BABAM2: variants seen among roughly 807,000 people sequenced by gnomAD.
The protein encoded by BABAM2 is BRISC and BRCA1 A complex member 2.
A neutral mutation model predicts 54.7 loss-of-function variants in BABAM2; 31 were observed. The observed-to-expected ratio is 0.57, with a 90% CI of 0.43 to 0.77. The LOEUF (loss-of-function observed/expected upper bound fraction) is 0.77. BABAM2 is among the 30% of genes least tolerant of loss of function. The pLI is 0.00. For missense variants in BABAM2, 364 were observed against 455.8 expected, an observed-to-expected ratio of 0.80 and a Z score of 1.83; for synonymous variants, 167 against 162.9, an observed-to-expected ratio of 1.03 and a Z score of -0.19.
chr2:28,088,788 A>G (rs1278895296), intron 6 of BABAM2, among the ~76,000 whole-genome samples: 1 of 152,120 alleles, frequency 6.6e-6, no homozygotes, highest in Non-Finnish European at 1.5e-5. Flanking sequence ...TTCCTAATCC[A>G]TTTGGATCTT....
At chr2:27,950,129 T>C (rs1482875438) in intron 3 of BABAM2, among the ~76,000 whole-genome samples, 1 of 152,204 alleles carries the variant, frequency 6.6e-6, no homozygotes, top group Non-Finnish European at 1.5e-5. Flanking sequence ...TGACCTTTCC[T>C]TAACTTGAAG....
At chr2:28,326,259 G>A (rs538080606) in intron 11 of BABAM2, among the ~76,000 whole-genome samples, 3 of 152,246 alleles carry the variant, frequency 2.0e-5, no homozygotes, top group Admixed American at 2.0e-4. Context: ...CCTCCTGGCC[G>A]GGACTGTGGT....
At chr2:27,936,810 AG>A (rs1293655651) in intron 3 of BABAM2, among the ~76,000 whole-genome samples, 1 of 150,952 alleles carries the variant, frequency 6.6e-6, no homozygotes, top group Admixed American at 6.6e-5. Flanking sequence ...GGGTAGGGGC[AG>A]GGGGGAGGGA....
At chr2:28,173,954 A>G (rs897924069) in intron 7 of BABAM2, among the ~76,000 whole-genome samples, 38 of 152,358 alleles carry the variant, frequency 2.5e-4, no homozygotes, top group African/African-American at 9.1e-4. Flanking sequence ...TGACAGAATT[A>G]GGAGGATGAA....
intron 7 of BABAM2, among the ~76,000 whole-genome samples, chr2:28,215,480 T>C (rs1679843637): frequency 1.3e-5 from 2 of 152,346 alleles, no homozygotes; most frequent in South Asian, 4.1e-4. Context: ...ATTCAAAGCA[T>C]TCTGCTGGGC....
chr2:27,949,777 G>A (rs1669570705), intron 3 of BABAM2, among the ~76,000 whole-genome samples: 1 of 152,086 alleles, frequency 6.6e-6, no homozygotes, highest in Admixed American at 6.5e-5. Flanking sequence ...CTTTTGTAGT[G>A]TGGTGTTGAA....
At chr2:27,906,618 T>G (rs548110362) in intron 2 of BABAM2, among the ~76,000 whole-genome samples, 1 of 152,218 alleles carries the variant, frequency 6.6e-6, no homozygotes, top group South Asian at 2.1e-4. Context: ...TAAATTGGGG[T>G]CTGAGATTTT....
intron 10 of BABAM2, among the ~76,000 whole-genome samples, chr2:28,296,707 A>C (rs1687720398): frequency 6.6e-6 from 1 of 152,174 alleles, no homozygotes; most frequent in Non-Finnish European, 1.5e-5. Flanking sequence ...TTTATTTTTA[A>C]GACGGAGTCT....
chr2:28,008,911 G>C (rs994217965), intron 4 of BABAM2, among the ~76,000 whole-genome samples: 4 of 152,148 alleles, frequency 2.6e-5, no homozygotes, highest in African/African-American at 9.7e-5. Context: ...GGCAGCTCTG[G>C]ATTCCAGGTG....
At chr2:27,979,922 G>A (rs1671883130) in intron 3 of BABAM2, among the ~76,000 whole-genome samples, 1 of 152,118 alleles carries the variant, frequency 6.6e-6, no homozygotes, top group Non-Finnish European at 1.5e-5. Context: ...TTCCTGAGAT[G>A]GTGCTGATAC....
At chr2:27,970,397 TTAATCTATCA>T (rs1671122738) in intron 3 of BABAM2, among the ~76,000 whole-genome samples, 1 of 152,216 alleles carries the variant, frequency 6.6e-6, no homozygotes, top group African/African-American at 2.4e-5. Flanking sequence ...AACCCTTTAT[TTAATCTATCA>T]GTTGTTAACA....
chr2:28,052,974 A>G (rs1313956135), intron 6 of BABAM2, among the ~76,000 whole-genome samples: 1 of 152,174 alleles, frequency 6.6e-6, no homozygotes, highest in Admixed American at 6.5e-5. Context: ...GTCTTTTACT[A>G]TTTGGAAATG....
rs976266793 is a variant in BABAM2, at chr2:27,995,742, G to C, written c.300+7655G>C. The stretch of plus-strand genomic sequence containing the variant: ...CTACAGGCGCCCGCCACCACACCTG[G>C]CTAGTTTTTTTATATTTTTAGTAGA... On this transcript the variant is annotated intron_variant, in intron 4 of 11. Coordinates refer to ENST00000379624, the MANE Select transcript of BABAM2 (RefSeq NM_199191.3). This position sits in a 1 kb window ranked among gnomAD's most constrained non-coding sequence, Gnocchi z 4.1. 1.3e-5 allele frequency among the ~76,000 whole-genome samples: 2 copies of C among 151,990 alleles called. No individual in the cohort carries two copies. Among genetic ancestry groups the C allele is most frequent in the African/African-American group, 4.8e-5 (2 of 41,372 alleles).
At chr2:27,914,452 T>A (rs956292226) in intron 2 of BABAM2, among the ~76,000 whole-genome samples, 1 of 152,250 alleles carries the variant, frequency 6.6e-6, no homozygotes, top group African/African-American at 2.4e-5. Flanking sequence ...CCTGTCTTTT[T>A]TGGCTTCTTC....
chr2:27,922,681 AC>A (rs2148333688), intron 2 of BABAM2, among the ~76,000 whole-genome samples: 1 of 152,276 alleles, frequency 6.6e-6, no homozygotes, highest in African/African-American at 2.4e-5. Flanking sequence ...TCCTTTCTGT[AC>A]TCTAACACCA....
rs561068854 is a variant in BABAM2 at position 28,338,847 on chromosome 2, T to C, written c.*334T>C. The C allele has an allele frequency of 2.4e-5, 7 of 291,994 alleles. No homozygotes were observed. In the East Asian group the frequency reaches 5.1e-4, roughly 21 times the overall value. 18.1% of individuals were successfully genotyped at this position (291,994 alleles called of 1,614,324 possible). ...ACGCCTTTCTTCCAAAGCCTTTGTC[T>C]CTGAGACCTCTTAAGTTCTAAGATT... On this transcript the variant is annotated 3_prime_UTR_variant, in exon 12 of 12. Coordinates refer to ENST00000379624, the MANE Select transcript of BABAM2 (RefSeq NM_199191.3).
chr2:28,026,884 A>AGATATATATAAATATATATAAATATATAT (rs1558667458), intron 5 of BABAM2, among the ~76,000 whole-genome samples: 2 of 50,952 alleles, frequency 3.9e-5, no homozygotes, highest in South Asian at 6.4e-4. Flanking sequence ...TTATATATAT[A>AGATATATATAAATATATATAAATATATAT]TAGATATATA....
intron 3 of BABAM2, among the ~76,000 whole-genome samples, chr2:27,940,821 G>A (rs1399976839): frequency 1.3e-5 from 2 of 152,202 alleles, no homozygotes; most frequent in Non-Finnish European, 2.9e-5. Flanking sequence ...CTAGAACCGG[G>A]AACTGGAAGG....
chr2:27,949,488 C>T (rs1317720977), intron 3 of BABAM2, among the ~76,000 whole-genome samples: 1 of 151,046 alleles, frequency 6.6e-6, no homozygotes, highest in Non-Finnish European at 1.5e-5. Context: ...GAGCCGAGAT[C>T]GCACCACTGC....
Sources: gnomAD v4.1 joint callset for allele counts (sites outside exome capture counted in the v4.1 genomes callset) on GRCh38, gnomAD v4.1.1 for gene constraint, Gnocchi (gnomAD v3.1) non-coding constraint, MANE v1.5 for transcripts, NCBI Gene and HGNC (gene_info 2026-07-23, HGNC 2026-07-21) for gene names.